The following ICOS variants were observed in gnomAD, a reference collection of about 807,000 sequenced individuals.
The protein encoded by ICOS is inducible T-cell costimulator.
A neutral mutation model predicts 24.6 loss-of-function variants in ICOS; 15 were observed. The observed-to-expected ratio is 0.61, with a 90% CI of 0.41 to 0.94. The LOEUF is 0.94. Among genes scored for constraint, ICOS ranks in the 40% least tolerant of loss-of-function variants. The pLI is 0.00. For missense variants in ICOS, 200 were observed against 233.0 expected, an observed-to-expected ratio of 0.86 and a Z score of 0.92; for synonymous variants, 89 against 77.5, an observed-to-expected ratio of 1.15 and a Z score of -0.78.
intron 1 of ICOS, among the ~76,000 whole-genome samples, chr2:203,945,656 C>T (rs1689854819): frequency 6.6e-6 from 1 of 152,056 alleles, no homozygotes; most frequent in South Asian, 2.1e-4. Flanking sequence ...CATGGTAGCA[C>T]AATGGTAAAT....
intron 1 of ICOS, among the ~76,000 whole-genome samples, chr2:203,950,616 G>A (rs1200226791): frequency 2.6e-5 from 4 of 152,120 alleles, no homozygotes; most frequent in East Asian, 1.9e-4. Flanking sequence ...AAAAACATTC[G>A]AACTGCAGAC....
At position 203,936,766 on chromosome 2, in the gene ICOS, G is replaced by A. The variant is rs558547059; in HGVS notation, c.-49G>A. ...AAACAACCGAGAGCCTGAATTCACT[G>A]TCAGCTTTGAACACTGAACGCGAGG... is the stretch of plus-strand genomic sequence containing the variant. On this transcript the variant is annotated 5_prime_UTR_variant, in exon 1 of 5. Transcript: ENST00000316386. 6.1e-6 allele frequency: 9 copies of A among 1,475,844 alleles called. No individual in the cohort carries two copies. The South Asian group carries it at 9.1e-5, about 15-fold the overall frequency. The allele number at this position is 1,475,844 out of a possible 1,614,324, so 91.4% of individuals were successfully genotyped here.
rs182175020 is a variant in ICOS at position 203,947,468 on chromosome 2, C to A, written c.59-8168C>A. Among the ~76,000 whole-genome samples the A allele has an allele frequency of 2.0e-4, 30 of 152,106 alleles. No homozygotes were observed. The East Asian group carries it at 5.4e-3, about 28-fold the overall frequency. ...GGATTACAGGCACACACCACCACGC[C>A]CAGCTAATTTTTATATTATTAGTAG... On this transcript the variant is annotated intron_variant, in intron 1 of 4. Coordinates refer to ENST00000316386, the MANE Select transcript of ICOS (RefSeq NM_012092.4).
At chr2:203,953,179 G>A (rs190425689) in intron 1 of ICOS, among the ~76,000 whole-genome samples, 37 of 152,284 alleles carry the variant, frequency 2.4e-4, no homozygotes, top group Admixed American at 7.2e-4. Flanking sequence ...TTATTGGGGA[G>A]AGGGTTTTCT....
At position 203,936,951 on chromosome 2, in the gene ICOS, G is replaced by A. The variant is rs143682963; in HGVS notation, c.58+79G>A. The A allele has an allele frequency of 3.0e-4, 322 of 1,068,690 alleles. No homozygotes were observed. In the African/African-American group the frequency reaches 4.4e-3, roughly 15 times the overall value. The allele number at this position is 1,068,690 out of a possible 1,614,324, so 66.2% of individuals were successfully genotyped here. A position where few individuals can be genotyped will look rare whatever the true frequency, so the allele number is the denominator to read the frequency against. On this transcript the variant is annotated intron_variant, in intron 1 of 4. Transcript: ENST00000316386. ...GAAAAAGCAAAGGTAGAAAAATTACGCACCCAAAAGACAGTGGTTTTGGTT... is the reference window on the plus strand; with the variant it reads ...GAAAAAGCAAAGGTAGAAAAATTACACACCCAAAAGACAGTGGTTTTGGTT...
Position 203,960,248 on chromosome 2 carries a change from G to T in ICOS, c.*649G>T. The T allele has an allele frequency of 6.3e-6, 1 of 159,082 alleles. No homozygotes were observed. The highest frequency in any genetic ancestry group is 1.4e-5 in the Non-Finnish European group (1 of 71,604). 9.9% of individuals were successfully genotyped at this position (159,082 alleles called of 1,614,324 possible). A position where few individuals can be genotyped will look rare whatever the true frequency, so the allele number is the denominator to read the frequency against. The stretch of plus-strand genomic sequence containing the variant: ...AATACTTCTACATGACTGCTTGACA[G>T]CCCAACAGCCACTCTCAATAGAGAG... On this transcript the variant is annotated 3_prime_UTR_variant, in exon 5 of 5. Transcript: ENST00000316386.
Position 203,956,689 on chromosome 2 carries a change from G to C in ICOS, c.425G>C (p.Trp142Ser). The change falls in exon 3 of 5, where the codon TGG (tryptophan) becomes TCG (serine). Residue 142 changes from tryptophan (W) to serine (S), a missense_variant. Transcript: ENST00000316386. Reference sequence around the variant, plus strand: ...CAACTTTGTTGCCAGCTGAAGTTCTGGTTACCCATAGGATGTGCAGCCTTT... The same window carrying C: ...CAACTTTGTTGCCAGCTGAAGTTCTCGTTACCCATAGGATGTGCAGCCTTT... ...ESQLCCQLKF[W>S]LPIGCAAFVV... is the part of the protein sequence containing the mutation. The C allele has an allele frequency of 6.2e-7, 1 of 1,613,324 alleles. No individual in the cohort carries two copies. Among genetic ancestry groups the C allele is most frequent in the Non-Finnish European group, 8.5e-7 (1 of 1,179,416 alleles).
At chr2:203,939,261 A>T (rs1445411271) in intron 1 of ICOS, among the ~76,000 whole-genome samples, 1 of 152,178 alleles carries the variant, frequency 6.6e-6, no homozygotes, top group Non-Finnish European at 1.5e-5. Context: ...AAAGGAACGT[A>T]AATCTCAATG....
chr2:203,956,551 A>G, intron 2 of ICOS, 108 bp from the exon 3 acceptor site: 1 of 795,682 alleles, frequency 1.3e-6, no homozygotes, highest in South Asian at 1.4e-5. Flanking sequence ...GGATTTCATG[A>G]CTATAATAAA....
At chr2:203,942,015 C>T (rs1168369200) in intron 1 of ICOS, among the ~76,000 whole-genome samples, 1 of 152,060 alleles carries the variant, frequency 6.6e-6, no homozygotes, top group East Asian at 1.9e-4. Flanking sequence ...CACGTTGTCC[C>T]CAAATAGGGT....
chr2:203,946,947 G>T (rs751823811), intron 1 of ICOS, among the ~76,000 whole-genome samples: 1 of 152,150 alleles, frequency 6.6e-6, no homozygotes, highest in Non-Finnish European at 1.5e-5. Context: ...TATCTTGCAC[G>T]CTCTGCACTG....
In ICOS at chr2:203,955,749, G is replaced by A; in HGVS notation, c.172G>A (p.Gly58Arg). 1.2e-6 allele frequency: 2 copies of A among 1,613,720 alleles called. No individual in the cohort carries two copies. Among genetic ancestry groups the A allele is most frequent in the Non-Finnish European group, 1.7e-6 (2 of 1,179,756 alleles). The change falls in exon 2 of 5, where the codon GGG (glycine) becomes AGG (arginine). Residue 58 changes from glycine (G) to arginine (R), a missense_variant. Gly to Arg is a moderately radical substitution (Grantham distance 125). Coordinates refer to ENST00000316386, the MANE Select transcript of ICOS (RefSeq NM_012092.4). ...GCAATTTAAAATGCAGTTGCTGAAA[G>A]GGGGGCAAATACTCTGCGATCTCAC... ...VQQFKMQLLKGGQILCDLTKT... is the reference protein window; with the variant it reads ...VQQFKMQLLKRGQILCDLTKT...
chr2:203,945,729 C>T (rs1437826321), intron 1 of ICOS, among the ~76,000 whole-genome samples: 2 of 152,076 alleles, frequency 1.3e-5, no homozygotes, highest in African/African-American at 2.4e-5. Flanking sequence ...CTTATGGGAC[C>T]GCCACCATAT....
chr2:203,950,230 GAA>G (rs1689946166), intron 1 of ICOS, among the ~76,000 whole-genome samples: 1 of 152,178 alleles, frequency 6.6e-6, no homozygotes, highest in African/African-American at 2.4e-5. Context: ...GCCTAGGGGC[GAA>G]ATCTGGTGAG....
chr2:203,952,528 A>C (rs1207025311), intron 1 of ICOS, among the ~76,000 whole-genome samples: 11 of 152,184 alleles, frequency 7.2e-5, no homozygotes, highest in Non-Finnish European at 1.0e-4. Context: ...CTTTTAAAAA[A>C]TATGCTTGTG....
chr2:203,940,488 C>T (rs77130284), intron 1 of ICOS, among the ~76,000 whole-genome samples: 11,848 of 152,050 alleles, frequency 0.078, 757 homozygotes, highest in Non-Finnish European at 0.12. Context: ...CTCTGAATTC[C>T]AGTACAGGTA....
intron 1 of ICOS, among the ~76,000 whole-genome samples, chr2:203,943,108 C>T (rs1689805787): frequency 6.6e-6 from 1 of 152,084 alleles, no homozygotes; most frequent in African/African-American, 2.4e-5. Context: ...TTCTCTGGTC[C>T]CTCCCCGATT....
At chr2:203,937,297 G>A (rs1370844679) in intron 1 of ICOS, among the ~76,000 whole-genome samples, 2 of 152,114 alleles carry the variant, frequency 1.3e-5, no homozygotes, top group Admixed American at 6.5e-5. Context: ...TGAAAAGAAG[G>A]ATTTTGATTT....
At position 203,959,761 on chromosome 2, in the gene ICOS, G is replaced by A. The variant is rs987596848; in HGVS notation, c.*162G>A. The A allele has an allele frequency of 5.4e-6, 4 of 744,200 alleles. No homozygotes were observed. Among genetic ancestry groups the A allele is most frequent in the Admixed American group, 4.0e-5 (2 of 49,954 alleles). 46.1% of individuals were successfully genotyped at this position (744,200 alleles called of 1,614,324 possible). ...GGAAGAATGACTGTATCAGTCAATG[G>A]GGATTTTAACAGACTGCCTTGGTAC... On this transcript the variant is annotated 3_prime_UTR_variant, in exon 5 of 5. Coordinates refer to ENST00000316386, the MANE Select transcript of ICOS (RefSeq NM_012092.4).
Sources: gnomAD v4.1 joint callset for allele counts (sites outside exome capture counted in the v4.1 genomes callset) on GRCh38, gnomAD v4.1.1 for gene constraint, MANE v1.5 for transcripts, NCBI Gene and HGNC (gene_info 2026-07-23, HGNC 2026-07-21) for gene names.